The following SRRT variants were observed in gnomAD, a reference collection of about 807,000 sequenced individuals.
SRRT encodes serrate, RNA effector molecule.
Under a neutral mutation model 103.2 loss-of-function variants are expected in SRRT, and 32 were observed. The observed-to-expected ratio is 0.31, with a 90% confidence interval of 0.23 to 0.42. The LOEUF is 0.42. Ranked by LOEUF, SRRT falls within the 10% of genes least tolerant of loss-of-function variation. The probability of loss-of-function intolerance (pLI) is 1.00; values close to 1 mark genes in which losing one functional copy is unlikely to be tolerated. For missense variants in SRRT, 986 were observed against 1,207.5 expected, an observed-to-expected ratio of 0.82 and a Z score of 2.72; for synonymous variants, 525 against 449.0, an observed-to-expected ratio of 1.17 and a Z score of -2.14.
At chr7:100,886,098 T>G in intron 12 of SRRT, 149 bp from the exon 13 acceptor site, 1 of 1,253,738 alleles carries the variant, frequency 8.0e-7, no homozygotes, top group Non-Finnish European at 1.1e-6. Flanking sequence ...TCTAGGGCGT[T>G]AGCATGGACG....
chr7:100,880,341 C>T (rs570086044), intron 2 of SRRT, among the ~76,000 whole-genome samples: 42 of 152,196 alleles, frequency 2.8e-4, no homozygotes, highest in Non-Finnish European at 4.7e-4. Flanking sequence ...CTTGCTCTGT[C>T]GCCCAGGCTG....
At chr7:100,875,458 G>A (rs1036295565) in intron 1 of SRRT, 115 bp from the exon 2 acceptor site, 1 of 1,542,488 alleles carries the variant, frequency 6.5e-7, no homozygotes, top group Non-Finnish European at 8.7e-7. Context: ...AGGATGGTGG[G>A]GGCCGCGGAG....
intron 12 of SRRT, 70 bp from the exon 13 acceptor site, chr7:100,886,177 G>GTCTTAGAGCTGCTGTTTC: frequency 6.5e-7 from 1 of 1,529,298 alleles, no homozygotes; most frequent in Non-Finnish European, 8.9e-7. Flanking sequence ...AGAGGGAAGG[G>GTCTTAGAGCTGCTGTTTC]TCTTAGAGCT....
rs959084907 is a variant in SRRT, at chr7:100,885,114, G to A, written c.1159+74G>A. The A allele has an allele frequency of 8.7e-6, 14 of 1,604,050 alleles. No individual in the cohort carries two copies. The highest frequency in any genetic ancestry group is 2.7e-5 in the African/African-American group (2 of 74,536). ...GAGGTGAGAGGTTGGCGACATTGAC[G>A]GGAGGGTGGGTGGCTTTTAGGGGAA... On this transcript the variant is annotated intron_variant, in intron 9 of 19. Transcript: ENST00000611405. This position sits in a 1 kb window ranked among gnomAD's most constrained non-coding sequence, Gnocchi z 4.8.
At chr7:100,881,590 C>T in intron 3 of SRRT, 69 bp from the exon 4 acceptor site, 4 of 1,603,432 alleles carry the variant, frequency 2.5e-6, no homozygotes, top group Non-Finnish European at 2.6e-6. Flanking sequence ...GTACCCCCGT[C>T]TGTCCATCCT....
At chr7:100,881,464 G>A (rs1789547637) in intron 3 of SRRT, 51 bp downstream of exon 3, 1 of 1,595,826 alleles carries the variant, frequency 6.3e-7, no homozygotes, top group Non-Finnish European at 8.6e-7. Context: ...TTCCACCTGG[G>A]CCTCCCCTTT....
chr7:100,884,100 G>A lies in SRRT; in HGVS notation c.618G>A (p.Val206=). 1 of 1,607,904 alleles carries A rather than the reference G, an allele frequency of 6.2e-7. No homozygotes were observed. Among genetic ancestry groups the A allele is most frequent in the East Asian group, 2.2e-5 (1 of 44,834 alleles). ...GGTCTAAGTACCACCCAGATGAGGT[G>A]GGGAAGCGTCGGCAGGAGGCCCGGG... The part of the protein sequence containing the change: ...WFRSKYHPDE[V]GKRRQEARGA... The change falls in exon 6 of 20, where the codon GTG becomes GTA. Residue 206 remains valine (V), a synonymous_variant. Coordinates refer to ENST00000611405, the MANE Select transcript of SRRT (RefSeq NM_015908.6).
rs1281798539 is a variant in SRRT, at chr7:100,884,654, C to T, written c.943-86C>T. On this transcript the variant is annotated intron_variant, in intron 7 of 19. Transcript: ENST00000611405. ...AAGTAGGGGGCTGGGGAAAATGAAC[C>T]TGTGGCCTCAGCTGTGGGGGTGGGG... The T allele has an allele frequency of 1.5e-5, 21 of 1,446,390 alleles. No individual in the cohort carries two copies. In the East Asian group the frequency reaches 4.5e-4, roughly 31 times the overall value. 89.6% of individuals were successfully genotyped at this position (1,446,390 alleles called of 1,614,324 possible). A position where few individuals can be genotyped will look rare whatever the true frequency, so the allele number is the denominator to read the frequency against.
chr7:100,886,178 T>TC (rs1790080360), intron 12 of SRRT, 69 bp from the exon 13 acceptor site: 1 of 1,530,840 alleles, frequency 6.5e-7, no homozygotes, highest in African/African-American at 1.4e-5. Context: ...GAGGGAAGGG[T>TC]CTTAGAGCTG....
At chr7:100,876,088 C>T (rs1407950530) in intron 2 of SRRT, among the ~76,000 whole-genome samples, 3 of 152,130 alleles carry the variant, frequency 2.0e-5, no homozygotes, top group Non-Finnish European at 4.4e-5. Context: ...CCGAGCCTCC[C>T]GCCTCAGCCT....
At position 100,887,141 on chromosome 7, in the gene SRRT, G is replaced by C. The variant is rs1245027945; in HGVS notation, c.1916G>C (p.Arg639Pro). The C allele has an allele frequency of 6.2e-7, 1 of 1,614,050 alleles. No individual in the cohort carries two copies. Among genetic ancestry groups the C allele is most frequent in the Non-Finnish European group, 8.5e-7 (1 of 1,180,034 alleles). Residue 639 changes from arginine to proline, a missense_variant, in exon 15 of 20, where the codon CGC becomes CCC. By Grantham distance (103) the Arg-to-Pro change is moderately radical (BLOSUM62 -2). Around this residue, in one of 6 missense-constraint regions of SRRT, gnomAD observed 349 missense variants for 446.9 expected, o/e 0.78. Transcript: ENST00000611405. The surrounding 1 kb of genome is among the most constrained non-coding windows in gnomAD (Gnocchi z 4.1). ...CCCAACGAGGACGAGATGCCCAATCGCTGTGGGATCATCCACGTTCGGGGG... is the reference window on the plus strand; with the variant it reads ...CCCAACGAGGACGAGATGCCCAATCCCTGTGGGATCATCCACGTTCGGGGG... ...EYPNEDEMPN[R>P]CGIIHVRGPM...
chr7:100,878,413 T>C (rs866642657), intron 2 of SRRT, among the ~76,000 whole-genome samples: 1 of 152,342 alleles, frequency 6.6e-6, no homozygotes. Context: ...GCAGTGATGC[T>C]GATGAGTACA....
chr7:100,885,551 T>C lies in SRRT; in HGVS notation c.1318-150T>C. 2 of 1,081,956 alleles carry C rather than the reference T, an allele frequency of 1.8e-6. No homozygotes were observed. The highest frequency in any genetic ancestry group is 3.0e-5 in the South Asian group (2 of 66,320). The allele number at this position is 1,081,956 out of a possible 1,614,324, so 67.0% of individuals were successfully genotyped here. On this transcript the variant is annotated intron_variant, in intron 10 of 19. Transcript: ENST00000611405. This position sits in a 1 kb window ranked among gnomAD's most constrained non-coding sequence, Gnocchi z 4.8. Reference sequence around the variant, plus strand: ...CGCCATTGGCTTTCAGGTGCTGGTGTTCTGAAGCCCTTTAGTGGTTTTTCC... The same window carrying C: ...CGCCATTGGCTTTCAGGTGCTGGTGCTCTGAAGCCCTTTAGTGGTTTTTCC...
intron 2 of SRRT, chr7:100,875,923 C>T (rs1815645197): frequency 1.1e-5 from 6 of 552,458 alleles, no homozygotes; most frequent in South Asian, 4.1e-5. Flanking sequence ...AGCTATAGAG[C>T]TAAGAGTTTG....
intron 2 of SRRT, among the ~76,000 whole-genome samples, chr7:100,877,695 T>C (rs1326406244): frequency 2.0e-5 from 3 of 151,746 alleles, no homozygotes; most frequent in South Asian, 2.1e-4. Context: ...CTAATTTTTG[T>C]ATTTTTAGTA....
chr7:100,888,404 A>G (rs1790396652), intron 19 of SRRT, 21 bp downstream of exon 19: 3 of 1,613,166 alleles, frequency 1.9e-6, no homozygotes, highest in Non-Finnish European at 2.5e-6. Context: ...CAGACGCCCA[A>G]GCTTTGTTGC....
rs192786664 is a variant in SRRT at position 100,885,606 on chromosome 7, A to G, written c.1318-95A>G. 1.5e-6 allele frequency: 2 copies of G among 1,329,916 alleles called. No individual in the cohort carries two copies. Among genetic ancestry groups the G allele is most frequent in the Admixed American group, 4.0e-5 (2 of 50,470 alleles). 82.4% of individuals were successfully genotyped at this position (1,329,916 alleles called of 1,614,324 possible). On this transcript the variant is annotated intron_variant, in intron 10 of 19. Transcript: ENST00000611405. The surrounding 1 kb of genome is among the most constrained non-coding windows in gnomAD (Gnocchi z 4.8). Reference sequence around the variant, plus strand: ...CCAAGGATGGGAAGAGTGATAAGGCAGTTAGTCCCTAGGGTTCTGAGGGCA... The same window carrying G: ...CCAAGGATGGGAAGAGTGATAAGGCGGTTAGTCCCTAGGGTTCTGAGGGCA...
chr7:100,881,954 T>G, intron 4 of SRRT, 99 bp from the exon 5 acceptor site: 2 of 1,489,888 alleles, frequency 1.3e-6, no homozygotes, highest in South Asian at 2.6e-5. Flanking sequence ...TGGGGTGATG[T>G]CCATGGTGGA....
intron 2 of SRRT, among the ~76,000 whole-genome samples, chr7:100,876,641 G>A (rs566026049): frequency 1.3e-5 from 2 of 152,300 alleles, no homozygotes; most frequent in South Asian, 2.1e-4. Context: ...TTCATAGGGC[G>A]GTGCTGATTG....
Sources: gnomAD v4.1 joint callset for allele counts (sites outside exome capture counted in the v4.1 genomes callset) on GRCh38, gnomAD v4.1.1 for gene constraint, gnomAD v4.1.1 regional missense constraint, Gnocchi (gnomAD v3.1) non-coding constraint, MANE v1.5 for transcripts, NCBI Gene and HGNC (gene_info 2026-07-23, HGNC 2026-07-21) for gene names.